CLVS1: variants seen among roughly 807,000 people sequenced by gnomAD.
CLVS1 encodes clavesin-1.
Under a neutral mutation model 33.1 loss-of-function variants are expected in CLVS1, and 10 were observed. That is an observed-to-expected ratio of 0.30 (90% CI 0.19 to 0.51). CLVS1 has a LOEUF of 0.51. Among genes scored for constraint, CLVS1 ranks in the 20% least tolerant of loss-of-function variants. The pLI is 0.97. For synonymous variants in CLVS1, 163 were observed against 166.1 expected (o/e 0.98, Z 0.14); for missense variants, 343 against 433.4 (o/e 0.79, Z 1.85).
chr8:61,299,633 GTATC>G (rs1464694148), intron 1 of CLVS1, 40 bp from the exon 2 acceptor site: 1 of 557,346 alleles, frequency 1.8e-6, no homozygotes, highest in Non-Finnish European at 3.2e-6. Context: ...GACTTTCTTT[GTATC>G]ATCTCTCTTC....
intron 1 of CLVS1, among the ~76,000 whole-genome samples, chr8:61,066,220 G>T (rs914762282): frequency 5.9e-5 from 9 of 152,186 alleles, no homozygotes; most frequent in Admixed American, 5.2e-4. Flanking sequence ...TAGTGGCCAG[G>T]CATGATGGCT....
intron 2 of CLVS1, among the ~76,000 whole-genome samples, chr8:61,308,882 T>C (rs557964071): frequency 1.9e-4 from 29 of 152,304 alleles, no homozygotes; most frequent in African/African-American, 6.5e-4. Flanking sequence ...TCCCACTAAG[T>C]CCTACTTATG....
At chr8:61,176,670 A>G (rs1807117534) in intron 2 of CLVS1, among the ~76,000 whole-genome samples, 1 of 152,180 alleles carries the variant, frequency 6.6e-6, no homozygotes, top group Admixed American at 6.5e-5. Context: ...GGTGGCTGGC[A>G]TGACCCATGG....
chr8:61,285,549 C>T (rs1252996518), upstream of CLVS1, among the ~76,000 whole-genome samples: 2 of 152,132 alleles, frequency 1.3e-5, no homozygotes, highest in Non-Finnish European at 2.9e-5. Context: ...GGGTGAAGGC[C>T]CGGCCTGCTT....
At chr8:61,032,257 C>CT in the CLVS1 span, among the ~76,000 whole-genome samples, 1 of 152,168 alleles carries the variant, frequency 6.6e-6, no homozygotes, top group African/African-American at 2.4e-5. Context: ...AGGAAGGGGC[C>CT]TGGGGCTTCA....
At chr8:61,237,977 C>T (rs1009512425) in intron 2 of CLVS1, among the ~76,000 whole-genome samples, 9 of 152,050 alleles carry the variant, frequency 5.9e-5, no homozygotes, top group African/African-American at 1.4e-4. Flanking sequence ...GCATCCAAGC[C>T]GAGGCTGAAT....
chr8:61,407,236 G>T (rs144661140), intron 3 of CLVS1, among the ~76,000 whole-genome samples: 30 of 152,110 alleles, frequency 2.0e-4, no homozygotes, highest in Non-Finnish European at 4.1e-4. Flanking sequence ...CTAAACACAC[G>T]GTAGATATTT....
In CLVS1 at chr8:61,245,351, T is replaced by C. The variant is rs1672803769; in HGVS notation, c.-151-54326T>C. The stretch of plus-strand genomic sequence containing the variant: ...GCATGCGCCACCATGCCTGGGTAAT[T>C]TTTTTTTTGTATTTTAGTAGAGATG... On this transcript the variant is annotated intron_variant, in intron 2 of 2. Coordinates refer to the CLVS1 transcript ENST00000522621. Among the ~76,000 whole-genome samples, 3 of 150,930 alleles carry C rather than the reference T, an allele frequency of 2.0e-5. No individual in the cohort carries two copies. In the South Asian group the frequency reaches 6.3e-4, roughly 32 times the overall value.
At chr8:61,107,883 T>G (rs1805565616) in intron 1 of CLVS1, among the ~76,000 whole-genome samples, 1 of 152,244 alleles carries the variant, frequency 6.6e-6, no homozygotes, top group Non-Finnish European at 1.5e-5. Context: ...GTTCTCTGGT[T>G]ATTTATCAGC....
At chr8:61,226,980 G>GTTTTTTTTTTTTTTTTTTTTTTTT (rs55718731) in intron 2 of CLVS1, among the ~76,000 whole-genome samples, 2 of 132,310 alleles carry the variant, frequency 1.5e-5, no homozygotes, top group Non-Finnish European at 3.2e-5. Context: ...ACGAAAACAT[G>GTTTTTTTTTTTTTTTTTTTTTTTT]TTTTTTTTTT....
At chr8:61,024,886 C>T in the CLVS1 span, among the ~76,000 whole-genome samples, 1 of 150,430 alleles carries the variant, frequency 6.6e-6, no homozygotes, top group African/African-American at 2.5e-5. Flanking sequence ...GTCTTGCTGT[C>T]ACCCAGGCTG....
At chr8:61,091,371 A>G (rs1563398859) in intron 1 of CLVS1, among the ~76,000 whole-genome samples, 1 of 152,230 alleles carries the variant, frequency 6.6e-6, no homozygotes, top group Non-Finnish European at 1.5e-5. Context: ...CTAAGACAAC[A>G]TGTTTTGTTG....
Position 61,499,795 on chromosome 8 carries a change from T to G in CLVS1, c.*253T>G. ...ATGCAAGGCATTTATGTAAAAAAGA[T>G]TCTCCCTCCTTTCATATTTATTGTA... On this transcript the variant is annotated 3_prime_UTR_variant, in exon 6 of 6. Coordinates refer to ENST00000325897, the MANE Select transcript of CLVS1 (RefSeq NM_173519.3). The G allele has an allele frequency of 7.0e-6, 2 of 285,420 alleles. No individual in the cohort carries two copies. Among genetic ancestry groups the G allele is most frequent in the East Asian group, 5.5e-5 (1 of 18,062 alleles). The allele number at this position is 285,420 out of a possible 1,614,324, so 17.7% of individuals were successfully genotyped here.
At chr8:61,112,478 C>T (rs1356387641) in intron 1 of CLVS1, among the ~76,000 whole-genome samples, 2 of 152,206 alleles carry the variant, frequency 1.3e-5, no homozygotes, top group Non-Finnish European at 2.9e-5. Flanking sequence ...AATTGTGAAA[C>T]TTTCCACATT....
At chr8:61,385,348 A>G (rs1178133480) in intron 3 of CLVS1, among the ~76,000 whole-genome samples, 1 of 152,202 alleles carries the variant, frequency 6.6e-6, no homozygotes, top group Non-Finnish European at 1.5e-5. Context: ...ACTATGTAAT[A>G]TATTAGCAGA....
chr8:61,416,082 C>T (rs1815418568), intron 3 of CLVS1, among the ~76,000 whole-genome samples: 1 of 152,104 alleles, frequency 6.6e-6, no homozygotes, highest in African/African-American at 2.4e-5. Flanking sequence ...GAATCCTAGC[C>T]ACCTGCAGAT....
At chr8:61,187,006 T>C (rs1302062257) in intron 2 of CLVS1, among the ~76,000 whole-genome samples, 3 of 152,212 alleles carry the variant, frequency 2.0e-5, no homozygotes, top group African/African-American at 7.2e-5. Flanking sequence ...GATCCTGCTA[T>C]GTTGTACTAC....
chr8:61,047,003 C>T, the CLVS1 span, among the ~76,000 whole-genome samples: 4 of 152,126 alleles, frequency 2.6e-5, no homozygotes, highest in Admixed American at 6.5e-5. Context: ...CCTAATTGCC[C>T]TGGCCAGAAC....
chr8:61,077,083 C>CTT (rs200903613), intron 1 of CLVS1, among the ~76,000 whole-genome samples: 1 of 148,906 alleles, frequency 6.7e-6, no homozygotes, highest in East Asian at 1.9e-4. Context: ...TTTTCTTTAT[C>CTT]TTTTTTTTTT....
Sources: gnomAD v4.1 joint callset for allele counts (sites outside exome capture counted in the v4.1 genomes callset) on GRCh38, gnomAD v4.1.1 for gene constraint, MANE v1.5 for transcripts, NCBI Gene and HGNC (gene_info 2026-07-23, HGNC 2026-07-21) for gene names.